NTRK2: variants seen among roughly 807,000 people sequenced by gnomAD.
The protein encoded by NTRK2 is BDNF/NT-3 growth factors receptor.
In NTRK2, 13 loss-of-function variants were observed where a neutral mutation model predicts 94.5. The observed-to-expected ratio is 0.14, with a 90% CI of 0.09 to 0.22. The LOEUF (loss-of-function observed/expected upper bound fraction) is 0.22, where lower values mean the gene tolerates loss of function less well. Among genes scored for constraint, NTRK2 ranks in the 10% least tolerant of loss-of-function variants. The pLI, the probability that NTRK2 is intolerant of heterozygous loss-of-function variation, is 1.00. For synonymous variants in NTRK2, 372 were observed against 407.4 expected (o/e 0.91, Z 1.05); for missense variants, 639 against 1,071.2 (o/e 0.60, Z 5.63).
chr9:84,871,667 G>C, intron 14 of NTRK2: 1 of 822,620 alleles, frequency 1.2e-6, no homozygotes, highest in East Asian at 2.4e-5. Flanking sequence ...TCACTATCTG[G>C]AGTGATATGA....
intron 12 of NTRK2, among the ~76,000 whole-genome samples, chr9:84,753,192 T>G (rs1319040024): frequency 6.6e-6 from 1 of 152,086 alleles, no homozygotes; most frequent in Admixed American, 6.5e-5. Flanking sequence ...CTCGTCCTGG[T>G]TCCTGCTTGG....
chr9:84,786,296 C>T (rs2068103533), intron 12 of NTRK2, among the ~76,000 whole-genome samples: 1 of 152,098 alleles, frequency 6.6e-6, no homozygotes, highest in Admixed American at 6.5e-5. Context: ...ATGCATTATC[C>T]CATGTAATAC....
intron 14 of NTRK2, among the ~76,000 whole-genome samples, chr9:84,927,630 G>A (rs1275579318): frequency 6.6e-5 from 10 of 151,976 alleles, no homozygotes; most frequent in Admixed American, 6.6e-4. Context: ...GGCAAGGTAT[G>A]TTGTAGTGGA....
chr9:84,885,355 G>A (rs2132247858), intron 14 of NTRK2, among the ~76,000 whole-genome samples: 1 of 152,248 alleles, frequency 6.6e-6, no homozygotes, highest in African/African-American at 2.4e-5. Context: ...ATAGTCTCCA[G>A]CTATTACGTG....
chr9:84,720,074 C>T (rs1188883292), intron 6 of NTRK2, among the ~76,000 whole-genome samples: 1 of 146,898 alleles, frequency 6.8e-6, no homozygotes, highest in Non-Finnish European at 1.5e-5. Context: ...CAAACACTTG[C>T]AAGCTGAAAA....
intron 17 of NTRK2, among the ~76,000 whole-genome samples, chr9:85,005,475 C>A (rs1380647247): frequency 6.6e-6 from 1 of 152,176 alleles, no homozygotes; most frequent in Non-Finnish European, 1.5e-5. Flanking sequence ...TGTTGTAAAA[C>A]CCCATAATAT....
At chr9:84,815,325 T>A in intron 12 of NTRK2, 1 of 1,048,218 alleles carries the variant, frequency 9.5e-7, no homozygotes, top group Non-Finnish European at 1.2e-6. Flanking sequence ...GGAAAAAAAG[T>A]GTGAAAAGCA....
intron 12 of NTRK2, among the ~76,000 whole-genome samples, chr9:84,828,946 T>C (rs1230517867): frequency 6.6e-6 from 1 of 152,038 alleles, no homozygotes; most frequent in African/African-American, 2.4e-5. Flanking sequence ...CAGGATTGTT[T>C]GTTTTGTTTT....
intron 12 of NTRK2, among the ~76,000 whole-genome samples, chr9:84,798,542 T>A (rs2133344300): frequency 6.6e-6 from 1 of 152,282 alleles, no homozygotes; most frequent in Middle Eastern, 3.4e-3. Context: ...GCAAGTTACT[T>A]AACCTCTCAG....
intron 14 of NTRK2, chr9:84,873,451 T>C (rs2075947021): frequency 1.9e-6 from 2 of 1,059,642 alleles, no homozygotes; most frequent in Non-Finnish European, 2.3e-6. Context: ...CATGGCACAT[T>C]GCTGCTGTTC....
intron 14 of NTRK2, among the ~76,000 whole-genome samples, chr9:84,905,497 G>A (rs1258564834): frequency 1.3e-5 from 2 of 152,084 alleles, no homozygotes; most frequent in African/African-American, 4.8e-5. Context: ...GTGCTTTTTA[G>A]GCTCATTCAT....
intron 14 of NTRK2, among the ~76,000 whole-genome samples, chr9:84,931,716 C>CAAAAAAAAAAAAAAAA (rs11395381): frequency 2.0e-5 from 2 of 100,348 alleles, no homozygotes; most frequent in African/African-American, 3.2e-5. Flanking sequence ...TAATAAAATG[C>CAAAAAAAAAAAAAAAA]AAAAAAAAAA....
At chr9:84,767,114 G>T (rs1359212228) in intron 12 of NTRK2, among the ~76,000 whole-genome samples, 1 of 152,112 alleles carries the variant, frequency 6.6e-6, no homozygotes, top group Non-Finnish European at 1.5e-5. Flanking sequence ...TCTTCAGCCT[G>T]ATTCCTTTTA....
intron 14 of NTRK2, among the ~76,000 whole-genome samples, chr9:84,914,984 T>C (rs906827306): frequency 4.6e-5 from 7 of 152,136 alleles, no homozygotes; most frequent in African/African-American, 1.4e-4. Context: ...AGGGATGGTT[T>C]TGGGATGAAA....
At chr9:84,675,337 T>G (rs1017191509) in intron 2 of NTRK2, among the ~76,000 whole-genome samples, 1 of 143,012 alleles carries the variant, frequency 7.0e-6, no homozygotes, top group South Asian at 2.3e-4. Context: ...TTTTTTTTTT[T>G]TTTTTTTTTT....
chr9:84,726,860 C>T (rs1254375961), intron 8 of NTRK2, among the ~76,000 whole-genome samples: 1 of 152,152 alleles, frequency 6.6e-6, no homozygotes, highest in African/African-American at 2.4e-5. Context: ...TAAATACCCT[C>T]ACTTAGGATA....
At chr9:84,923,419 A>G (rs2077633864) in intron 14 of NTRK2, among the ~76,000 whole-genome samples, 2 of 152,138 alleles carry the variant, frequency 1.3e-5, no homozygotes, top group Admixed American at 6.5e-5. Flanking sequence ...TCATTAGAGT[A>G]TGTGCACAGA....
At chr9:84,939,947 G>A (rs2078348503) in intron 15 of NTRK2, among the ~76,000 whole-genome samples, 1 of 152,116 alleles carries the variant, frequency 6.6e-6, no homozygotes, top group African/African-American at 2.4e-5. Flanking sequence ...CTTAGATCTT[G>A]CCCTCCCAGC....
At chr9:84,775,131 G>T (rs1038186502) in intron 12 of NTRK2, among the ~76,000 whole-genome samples, 1 of 152,222 alleles carries the variant, frequency 6.6e-6, no homozygotes, top group Non-Finnish European at 1.5e-5. Flanking sequence ...TGGTCCATGA[G>T]GCTGAGAGAG....
Sources: allele counts gnomAD v4.1 joint callset (sites outside exome capture counted in the v4.1 genomes callset), GRCh38; gene constraint gnomAD v4.1.1; transcripts MANE v1.5; gene names NCBI Gene and HGNC (gene_info 2026-07-23, HGNC 2026-07-21).